Variants in GMPS observed in about 807,000 individuals in gnomAD.
The protein encoded by GMPS is guanosine monophosphate synthase.
A neutral mutation model predicts 77.9 loss-of-function variants in GMPS; 15 were observed. The ratio of observed to expected loss-of-function variants is 0.19; its 90% CI spans 0.13 to 0.30. The LOEUF (loss-of-function observed/expected upper bound fraction) is 0.30, where lower values mean the gene tolerates loss of function less well. Ranked by LOEUF, GMPS falls within the 10% of genes least tolerant of loss-of-function variation. The probability of loss-of-function intolerance (pLI) is 1.00; values close to 1 mark genes in which losing one functional copy is unlikely to be tolerated. For synonymous variants in GMPS, 224 were observed against 275.9 expected (o/e 0.81, Z 1.86); for missense variants, 590 against 838.8 (o/e 0.70, Z 3.66).
At chr3:155,906,095 CAAAAG>C in intron 4 of GMPS, 60 bp from the exon 5 acceptor site, 1 of 926,506 alleles carries the variant, frequency 1.1e-6, no homozygotes, top group Non-Finnish European at 1.6e-6. Context: ...GTTTCTAAAA[CAAAAG>C]AACCCATGAA....
Position 155,914,447 on chromosome 3 carries a change from T to C in GMPS, c.915T>C (p.Asn305=), listed in dbSNP as rs765360365. The change falls in exon 8 of 16, where the codon AAT becomes AAC. Residue 305 remains asparagine (N), a synonymous_variant. Transcript: ENST00000496455. ...TAAATGCTGCTCATTCTTTCTACAA[T>C]GGAACAACAACCCTACCAATATCAG... The part of the protein sequence containing the change: ...KVINAAHSFY[N]GTTTLPISDE... 1.1e-5 allele frequency: 18 copies of C among 1,580,904 alleles called. No individual in the cohort carries two copies. The South Asian group carries it at 2.0e-4, about 18-fold the overall frequency.
intron 11 of GMPS, 113 bp downstream of exon 11, chr3:155,922,415 A>T: frequency 2.0e-6 from 1 of 511,172 alleles, no homozygotes; most frequent in Non-Finnish European, 3.5e-6. Context: ...GTGTAATATA[A>T]CCTTTGAAAT....
intron 1 of GMPS, among the ~76,000 whole-genome samples, chr3:155,880,341 A>G (rs533401203): frequency 1.7e-4 from 26 of 152,326 alleles, no homozygotes; most frequent in Non-Finnish European, 2.8e-4. Flanking sequence ...GTTATTGACC[A>G]TGGCAGAGCT....
intron 10 of GMPS, among the ~76,000 whole-genome samples, chr3:155,921,943 A>C (rs1755327576): frequency 6.6e-6 from 1 of 152,196 alleles, no homozygotes; most frequent in South Asian, 2.1e-4. Flanking sequence ...TGCAGACTAA[A>C]ACGTATGCAT....
At chr3:155,932,789 A>C (rs1278890659) in intron 13 of GMPS, among the ~76,000 whole-genome samples, 2 of 152,248 alleles carry the variant, frequency 1.3e-5, no homozygotes, top group East Asian at 3.8e-4. Context: ...CAGGGAAGCC[A>C]TGTTTTTACC....
chr3:155,917,610 G>C (rs961008681), intron 9 of GMPS, among the ~76,000 whole-genome samples: 1 of 150,954 alleles, frequency 6.6e-6, no homozygotes, highest in Non-Finnish European at 1.5e-5. Flanking sequence ...GCCAGGCACA[G>C]TGGCTCATGC....
At chr3:155,936,189 C>G (rs1356498137) in intron 14 of GMPS, 149 bp from the exon 15 acceptor site, 1 of 595,554 alleles carries the variant, frequency 1.7e-6, no homozygotes, top group Middle Eastern at 4.5e-4. Context: ...AAATGCTCTG[C>G]GAGTAGCTGA....
In GMPS at chr3:155,925,263, T is replaced by C; in HGVS notation, c.1457T>C (p.Val486Ala). ...VKKPHTLLQR[V>A]KACTTEEDQE... ...CAGCCACATACCCTATTACAGAGAG[T>C]CAAAGCCTGCACAACAGAAGAGGAT... Residue 486 changes from valine (V) to alanine (A), a missense_variant, in exon 12 of 16, where the codon GTC becomes GCC. Val to Ala is a moderately conservative substitution (Grantham distance 64). Around this residue, in one of 6 missense-constraint regions of GMPS, gnomAD observed 89 missense variants for 95.9 expected, o/e 0.93. Transcript: ENST00000496455. 1 of 1,613,118 alleles carries C rather than the reference T, an allele frequency of 6.2e-7. No individual in the cohort carries two copies. Among genetic ancestry groups the C allele is most frequent in the South Asian group, 1.1e-5 (1 of 91,018 alleles).
intron 9 of GMPS, among the ~76,000 whole-genome samples, chr3:155,916,539 C>T (rs1369965198): frequency 6.6e-6 from 1 of 152,148 alleles, no homozygotes; most frequent in African/African-American, 2.4e-5. Flanking sequence ...TTATGACTGG[C>T]TTCTTTTACT....
chr3:155,926,050 C>T (rs966985563), intron 12 of GMPS, among the ~76,000 whole-genome samples: 7 of 151,946 alleles, frequency 4.6e-5, no homozygotes, highest in Middle Eastern at 3.4e-3. Flanking sequence ...CTTGCCCTGT[C>T]GCCCAGGCTG....
At chr3:155,898,416 T>G (rs150601801) in intron 3 of GMPS, among the ~76,000 whole-genome samples, 1 of 152,320 alleles carries the variant, frequency 6.6e-6, no homozygotes, top group African/African-American at 2.4e-5. Context: ...TACTTATATT[T>G]CCTAAATATT....
chr3:155,880,269 G>A (rs1013800276), intron 1 of GMPS, among the ~76,000 whole-genome samples: 2 of 152,116 alleles, frequency 1.3e-5, no homozygotes, highest in African/African-American at 2.4e-5. Flanking sequence ...TCTAAGGTGG[G>A]TTTAATCTGA....
At chr3:155,894,232 CT>C (rs1006206517) in intron 2 of GMPS, among the ~76,000 whole-genome samples, 49 of 151,498 alleles carry the variant, frequency 3.2e-4, no homozygotes, top group Admixed American at 1.8e-3. Context: ...GTCATGCTTT[CT>C]TTTTTTTTGA....
chr3:155,913,861 T>C (rs1755101028), intron 7 of GMPS, among the ~76,000 whole-genome samples: 1 of 151,964 alleles, frequency 6.6e-6, no homozygotes, highest in African/African-American at 2.4e-5. Flanking sequence ...TAGATCTAAA[T>C]GCCAGGAGAT....
chr3:155,939,568 GA>G lies in GMPS; in HGVS notation c.*1879del, dbSNP rs1755842249. The G allele has an allele frequency of 5.0e-6, 1 of 201,732 alleles. No homozygotes were observed. Among genetic ancestry groups the G allele is most frequent in the South Asian group, 1.9e-4 (1 of 5,272 alleles). 12.5% of individuals were successfully genotyped at this position (201,732 alleles called of 1,614,324 possible). ...TGGTATATAATATTCAAAGCTCTGA[GA>G]AATTCTGAAGTTAAAAACAATTGTT... On this transcript the variant is annotated 3_prime_UTR_variant, in exon 16 of 16. Coordinates refer to ENST00000496455, the MANE Select transcript of GMPS (RefSeq NM_003875.3).
intron 1 of GMPS, among the ~76,000 whole-genome samples, chr3:155,892,262 C>T (rs1754489513): frequency 6.6e-6 from 1 of 152,116 alleles, no homozygotes; most frequent in African/African-American, 2.4e-5. Flanking sequence ...ATATAAGACA[C>T]ATTGAAGTGG....
chr3:155,907,421 A>C (rs1219302170), intron 5 of GMPS, among the ~76,000 whole-genome samples: 1 of 152,102 alleles, frequency 6.6e-6, no homozygotes. Flanking sequence ...ATCTCTACAT[A>C]AAAATAATTT....
At chr3:155,889,436 C>T (rs571229305) in intron 1 of GMPS, among the ~76,000 whole-genome samples, 35 of 152,280 alleles carry the variant, frequency 2.3e-4, no homozygotes, top group Middle Eastern at 3.4e-3. Context: ...CTCCTCCTAG[C>T]GCGCTGCGGT....
chr3:155,893,804 G>T, intron 2 of GMPS, 105 bp downstream of exon 2: 1 of 630,466 alleles, frequency 1.6e-6, no homozygotes. Flanking sequence ...AATAAGATAT[G>T]GAATGGTTTT....
Sources: gnomAD v4.1 joint callset for allele counts (sites outside exome capture counted in the v4.1 genomes callset) on GRCh38, gnomAD v4.1.1 for gene constraint, gnomAD v4.1.1 regional missense constraint, MANE v1.5 for transcripts, NCBI Gene and HGNC (gene_info 2026-07-23, HGNC 2026-07-21) for gene names.